Variants in EMC10 observed in about 807,000 individuals in gnomAD.
EMC10 encodes ER membrane protein complex subunit 10, also known as UPF0510 protein INM02.
In EMC10, 40 loss-of-function variants were observed where a neutral mutation model predicts 32.2. That is an observed-to-expected ratio of 1.24 (90% CI 0.96 to 1.61). The LOEUF (loss-of-function observed/expected upper bound fraction) is 1.61, where lower values mean the gene tolerates loss of function less well. Ranked by LOEUF, EMC10 falls within the 40% of genes most tolerant of loss-of-function variation. The probability of loss-of-function intolerance (pLI) is 0.00; values close to 1 mark genes in which losing one functional copy is unlikely to be tolerated. For missense variants in EMC10, 402 were observed against 357.7 expected (o/e 1.12, Z -1.00); for synonymous variants, 178 against 158.4 (o/e 1.12, Z -0.93).
rs1978478671 is a variant in EMC10, at chr19:50,488,593, C to T, written c.*6334C>T. The stretch of plus-strand genomic sequence containing the variant: ...GGAGAAGAGGGTGGGGGAGAGGGGG[C>T]CCCGGGAGAGGGAGGGATGGAGGAG... On this transcript the variant is annotated 3_prime_UTR_variant, in exon 7 of 7. Coordinates refer to ENST00000334976, the MANE Select transcript of EMC10 (RefSeq NM_206538.4). The T allele has an allele frequency of 7.4e-6, 1 of 135,730 alleles. No individual in the cohort carries two copies. Among genetic ancestry groups the T allele is most frequent in the Non-Finnish European group, 1.6e-5 (1 of 62,618 alleles). 8.4% of individuals were successfully genotyped at this position (135,730 alleles called of 1,614,324 possible). A position where few individuals can be genotyped will look rare whatever the true frequency, so the allele number is the denominator to read the frequency against.
chr19:50,480,618 C>T lies in EMC10; in HGVS notation c.440C>T (p.Thr147Ile), dbSNP rs1210432211. The change falls in exon 5 of 7, where the codon ACC becomes ATC. Residue 147 changes from threonine to isoleucine, a missense_variant. Physicochemically the swap from Thr to Ile is moderately conservative, Grantham distance 89. Coordinates refer to ENST00000334976, the MANE Select transcript of EMC10 (RefSeq NM_206538.4). This position sits in a 1 kb window ranked among gnomAD's most constrained non-coding sequence, Gnocchi z 4.4. ...LVESHLSDQL[T>I]LHVDVAGNVV... ...GAGTCGCACCTGTCGGACCAGCTGA[C>T]CCTGCACGTGGATGTGGCCGGCAAC... 3.2e-6 allele frequency: 5 copies of T among 1,573,416 alleles called. No individual in the cohort carries two copies. Among genetic ancestry groups the T allele is most frequent in the Admixed American group, 3.7e-5 (2 of 54,000 alleles).
At position 50,483,344 on chromosome 19, in the gene EMC10, G is replaced by A. The variant is rs2040353114; in HGVS notation, c.*1085G>A. ...AGTTTATTAAACTGTCCCCCAGATC[G>A]ACACGCAGCTAGCCTCCTGCATTGT... is the stretch of plus-strand genomic sequence containing the variant. On this transcript the variant is annotated 3_prime_UTR_variant, in exon 7 of 7. Transcript: ENST00000334976. 3 of 327,650 alleles carry A rather than the reference G, an allele frequency of 9.2e-6. No individual in the cohort carries two copies. The highest frequency in any genetic ancestry group is 8.4e-5 in the East Asian group (1 of 11,846). The allele number at this position is 327,650 out of a possible 1,614,324, so 20.3% of individuals were successfully genotyped here.
intron 6 of EMC10, 90 bp from the exon 7 acceptor site, chr19:50,482,059 C>T (rs991718138): frequency 2.8e-6 from 4 of 1,449,130 alleles, no homozygotes; most frequent in South Asian, 1.1e-5. Context: ...CATGCCGGTC[C>T]CCACCGTGGG....
Position 50,476,621 on chromosome 19 carries a change from G to T in EMC10, c.77G>T (p.Arg26Leu), listed in dbSNP as rs747264212. 8 of 1,556,282 alleles carry T rather than the reference G, an allele frequency of 5.1e-6. No homozygotes were observed. The highest frequency in any genetic ancestry group is 6.1e-6 in the Non-Finnish European group (7 of 1,156,750). The change falls in exon 1 of 7, where the codon CGG becomes CTG. Residue 26 changes from arginine (R) to leucine (L), a missense_variant. Arg to Leu is a moderately radical substitution (Grantham distance 102). Transcript: ENST00000334976. Reference protein sequence around the residue: ...LMAVAAPSRARGSGCRAGTGA... With the variant: ...LMAVAAPSRALGSGCRAGTGA... ...GCGGTAGCAGCGCCCAGTCGAGCCC[G>T]GGGCAGCGGCTGCCGGGCCGGGACT...
intron 6 of EMC10, chr19:50,481,623 A>C: frequency 1.8e-6 from 1 of 541,564 alleles, no homozygotes; most frequent in Non-Finnish European, 3.2e-6. Context: ...GAGGCAGGCT[A>C]GGAGGATGCT....
chr19:50,480,514 C>CG lies in EMC10; in HGVS notation c.403-62dup. ...GCTCCGGGGGTCCTGTGGTGGGGGC[C>CG]GGGGGAGGTTAGGGTGGAGCCCAGG... On this transcript the variant is annotated intron_variant, in intron 4 of 6. Transcript: ENST00000334976. The surrounding 1 kb of genome is among the most constrained non-coding windows in gnomAD (Gnocchi z 4.4). 6.6e-7 allele frequency: 1 copy of CG among 1,512,640 alleles called. No homozygotes were observed. Among genetic ancestry groups the CG allele is most frequent in the Non-Finnish European group, 8.9e-7 (1 of 1,122,094 alleles). 93.7% of individuals were successfully genotyped at this position (1,512,640 alleles called of 1,614,324 possible).
Position 50,479,139 on chromosome 19 carries a change from G to A in EMC10, c.297+73G>A, listed in dbSNP as rs1384404660. 2.4e-6 allele frequency: 3 copies of A among 1,238,304 alleles called. No individual in the cohort carries two copies. The African/African-American group carries it at 4.5e-5, about 18-fold the overall frequency. 76.7% of individuals were successfully genotyped at this position (1,238,304 alleles called of 1,614,324 possible). ...CCAGCTGTCTCTTCAGCCACCCCCTGCTGGTCCCCAGCAGCCTTCCCTCCA... is the reference window on the plus strand; with the variant it reads ...CCAGCTGTCTCTTCAGCCACCCCCTACTGGTCCCCAGCAGCCTTCCCTCCA... On this transcript the variant is annotated intron_variant, in intron 3 of 6. Coordinates refer to ENST00000334976, the MANE Select transcript of EMC10 (RefSeq NM_206538.4).
Position 50,480,576 on chromosome 19 carries a change from C to T in EMC10, c.403-5C>T, listed in dbSNP as rs1630497. On this transcript the variant is annotated splice_region_variant and splice_polypyrimidine_tract_variant and intron_variant, in intron 4 of 6. Transcript: ENST00000334976. The surrounding 1 kb of genome is among the most constrained non-coding windows in gnomAD (Gnocchi z 4.4). ...CCACCTCCACTGACCCCACTCCCCC[C>T]ACAGTGCTCCCTGGTGGAGTCGCAC... is the stretch of plus-strand genomic sequence containing the variant. 0.014 allele frequency: 21,855 copies of T among 1,552,232 alleles called. 551 individuals are homozygous for T. Among genetic ancestry groups the T allele is most frequent in the African/African-American group, 0.11 (7,858 of 73,184 alleles).
In EMC10 at chr19:50,484,518, T is replaced by G. The variant is rs1673019; in HGVS notation, c.*2259T>G. ...TTTCAGGCTGGCAGGGTTACTCTGTTGGGTATTCCAGGAAATGCCTGAGCT... is the reference window on the plus strand; with the variant it reads ...TTTCAGGCTGGCAGGGTTACTCTGTGGGGTATTCCAGGAAATGCCTGAGCT... On this transcript the variant is annotated 3_prime_UTR_variant, in exon 7 of 7. Coordinates refer to ENST00000334976, the MANE Select transcript of EMC10 (RefSeq NM_206538.4). The G allele has an allele frequency of 0.74, 112,788 of 151,998 alleles. 42,772 individuals are homozygous for G. The highest frequency in any genetic ancestry group is 0.91 in the African/African-American group (37,899 of 41,432). 9.4% of individuals were successfully genotyped at this position (151,998 alleles called of 1,614,324 possible). A position where few individuals can be genotyped will look rare whatever the true frequency, so the allele number is the denominator to read the frequency against.
rs1978374938 is a variant in EMC10 at position 50,486,880 on chromosome 19, TC to T, written c.*4624del. ...CATTTTTACAAAATATTACAACTTC[TC>T]CCTCTCCCCTCCTTCCACCCAGTAT... On this transcript the variant is annotated 3_prime_UTR_variant, in exon 7 of 7. Transcript: ENST00000334976. The T allele has an allele frequency of 6.6e-6, 1 of 152,168 alleles. No homozygotes were observed. The highest frequency in any genetic ancestry group is 2.4e-5 in the African/African-American group (1 of 41,424). 9.4% of individuals were successfully genotyped at this position (152,168 alleles called of 1,614,324 possible).
At position 50,484,672 on chromosome 19, in the gene EMC10, GAT is replaced by G. The variant is rs1422816060; in HGVS notation, c.*2415_*2416del. ...CAGGGATGAAGTATGAAACTCAAAA[GAT>G]AGAGTAGGTTGGCCAGGCATAGTGA... On this transcript the variant is annotated 3_prime_UTR_variant, in exon 7 of 7. Transcript: ENST00000334976. The G allele has an allele frequency of 2.0e-5, 3 of 152,126 alleles. No individual in the cohort carries two copies. Among genetic ancestry groups the G allele is most frequent in the Non-Finnish European group, 4.4e-5 (3 of 68,026 alleles). The allele number at this position is 152,126 out of a possible 1,614,324, so 9.4% of individuals were successfully genotyped here. A position where few individuals can be genotyped will look rare whatever the true frequency, so the allele number is the denominator to read the frequency against.
At chr19:50,479,521 C>T (rs1337440867) in intron 3 of EMC10, among the ~76,000 whole-genome samples, 1 of 152,132 alleles carries the variant, frequency 6.6e-6, no homozygotes, top group Non-Finnish European at 1.5e-5. Context: ...GCAGAGAGGC[C>T]CCAGGGCTCC....
intron 2 of EMC10, 70 bp downstream of exon 2, chr19:50,478,071 G>A (rs965290112): frequency 2.1e-5 from 27 of 1,304,624 alleles, no homozygotes; most frequent in South Asian, 8.2e-5. Flanking sequence ...TTGGAGTCTG[G>A]GTGCCTCCCG....
chr19:50,477,285 T>A (rs1175842943), intron 1 of EMC10: 1 of 152,176 alleles, frequency 6.6e-6, no homozygotes, highest in East Asian at 1.9e-4. Flanking sequence ...TGCCTGTAAT[T>A]CCAACTACTC....
At chr19:50,476,939 C>A in intron 1 of EMC10, 1 of 340,380 alleles carries the variant, frequency 2.9e-6, no homozygotes, top group Admixed American at 4.6e-5. Context: ...TTGGAGAATC[C>A]GACGTCCGGG....
chr19:50,478,226 A>G (rs2040261133), intron 2 of EMC10, among the ~76,000 whole-genome samples: 2 of 152,234 alleles, frequency 1.3e-5, no homozygotes, highest in African/African-American at 4.8e-5. Flanking sequence ...CACAGCAGTA[A>G]TAATTTCAGA....
Position 50,481,902 on chromosome 19 carries a change from GCGT to G in EMC10, c.679-245_679-243del, listed in dbSNP as rs1568687070. 6 of 1,601,866 alleles carry G rather than the reference GCGT, an allele frequency of 3.7e-6. No homozygotes were observed. In the Admixed American group the frequency reaches 1.0e-4, roughly 27 times the overall value. On this transcript the variant is annotated intron_variant, in intron 6 of 6. Transcript: ENST00000334976. ...GGGGGGCCGTGTTGCTCACAGCCCT[GCGT>G]CCTGCTGCGCCAGGGCCCGCGCCAC... is the stretch of plus-strand genomic sequence containing the variant.
Position 50,485,355 on chromosome 19 carries a change from CT to C in EMC10, c.*3097del, listed in dbSNP as rs2040378617. 1 of 152,282 alleles carries C rather than the reference CT, an allele frequency of 6.6e-6. No homozygotes were observed. The highest frequency in any genetic ancestry group is 2.4e-5 in the African/African-American group (1 of 41,426). The allele number at this position is 152,282 out of a possible 1,614,324, so 9.4% of individuals were successfully genotyped here. Reference sequence around the variant, plus strand: ...CTCATCTCCAGCTCAGATCCCACCCCTGATCTCCAGACTCATGGCCCCAGCT... The same window carrying C: ...CTCATCTCCAGCTCAGATCCCACCCCGATCTCCAGACTCATGGCCCCAGCT... On this transcript the variant is annotated 3_prime_UTR_variant, in exon 7 of 7. Coordinates refer to ENST00000334976, the MANE Select transcript of EMC10 (RefSeq NM_206538.4).
In EMC10 at chr19:50,476,663, G is replaced by A; in HGVS notation, c.114+5G>A. 6.6e-7 allele frequency: 1 copy of A among 1,511,752 alleles called. No individual in the cohort carries two copies. Among genetic ancestry groups the A allele is most frequent in the Non-Finnish European group, 8.8e-7 (1 of 1,133,216 alleles). 93.6% of individuals were successfully genotyped at this position (1,511,752 alleles called of 1,614,324 possible). On this transcript the variant is annotated splice_donor_5th_base_variant and intron_variant, in intron 1 of 6. Coordinates refer to ENST00000334976, the MANE Select transcript of EMC10 (RefSeq NM_206538.4). ...GCCGGGACTGGTGCGCGAGGGGTGA[G>A]TGCTCTTTAGCTGTGCATAGCGGGC... is the stretch of plus-strand genomic sequence containing the variant.
Sources: gnomAD v4.1 joint callset for allele counts (sites outside exome capture counted in the v4.1 genomes callset) on GRCh38, gnomAD v4.1.1 for gene constraint, Gnocchi (gnomAD v3.1) non-coding constraint, MANE v1.5 for transcripts, NCBI Gene and HGNC (gene_info 2026-07-23, HGNC 2026-07-21) for gene names.